DHX8: variants seen among roughly 807,000 people sequenced by gnomAD.
The protein encoded by DHX8 is DEAH-box helicase 8.
DHX8 carries 67 observed loss-of-function variants against 140.7 expected under a neutral mutation model. The observed-to-expected ratio is 0.48, with a 90% CI of 0.39 to 0.58. The LOEUF is 0.58. Among genes scored for constraint, DHX8 ranks in the 20% least tolerant of loss-of-function variants. The pLI is 0.00. For synonymous variants in DHX8, 533 were observed against 553.2 expected (o/e 0.96, Z 0.51); for missense variants, 887 against 1,550.7 (o/e 0.57, Z 7.19).
rs887505846 is a variant in DHX8 at position 43,493,728 on chromosome 17, C to T, written c.1054C>T (p.Arg352Ter). 11 of 1,614,042 alleles carry T rather than the reference C, an allele frequency of 6.8e-6. No individual in the cohort carries two copies. Among genetic ancestry groups the T allele is most frequent in the African/African-American group, 4.0e-5 (3 of 74,914 alleles). Reference sequence around the variant, plus strand: ...AGAAGATCTAAACCCAAATAGACGGCGAAATCTTGTCGGGGAGACCAATGA... The same window carrying T: ...AGAAGATCTAAACCCAAATAGACGGTGAAATCTTGTCGGGGAGACCAATGA... ...TGEDLNPNRRRNLVGETNEET... is the reference protein window; with the variant it reads ...TGEDLNPNRR The change falls in exon 8 of 23, where the codon CGA (arginine) becomes TGA (stop). Residue 352 changes from arginine to a stop codon, truncating the protein, a stop_gained. Coordinates refer to ENST00000262415, the MANE Select transcript of DHX8 (RefSeq NM_004941.3). LOFTEE classifies it high-confidence loss of function.
chr17:43,496,762 A>G (rs1289758778), intron 9 of DHX8, among the ~76,000 whole-genome samples: 2 of 150,966 alleles, frequency 1.3e-5, no homozygotes, highest in Non-Finnish European at 3.0e-5. Context: ...CCTGAGTGAC[A>G]GAGTGAGACT....
Position 43,520,879 on chromosome 17 carries a change from G to A in DHX8, c.3066G>A (p.Lys1022=), listed in dbSNP as rs1970339801. ...LSVQNVFYRP[K]DKQALADQKK... ...TGCAGAACGTCTTCTATAGGCCCAAGGTAGGAAGTTCAGATCCAAGTTTAG... is the reference window on the plus strand; with the variant it reads ...TGCAGAACGTCTTCTATAGGCCCAAAGTAGGAAGTTCAGATCCAAGTTTAG... Residue 1022 remains lysine (K), a splice_region_variant and synonymous_variant, in exon 20 of 23, where the codon AAG becomes AAA. Transcript: ENST00000262415. The A allele has an allele frequency of 6.2e-7, 1 of 1,607,192 alleles. No homozygotes were observed. Among genetic ancestry groups the A allele is most frequent in the Non-Finnish European group, 8.5e-7 (1 of 1,177,212 alleles).
intron 12 of DHX8, among the ~76,000 whole-genome samples, 185 bp downstream of exon 12, chr17:43,505,010 T>C (rs1335677085): frequency 6.6e-6 from 1 of 152,140 alleles, no homozygotes; most frequent in Admixed American, 6.5e-5. Context: ...GGCGCGGTAG[T>C]GGATGCCTAT....
chr17:43,487,114 G>A (rs537996477), intron 1 of DHX8, among the ~76,000 whole-genome samples: 2 of 152,226 alleles, frequency 1.3e-5, no homozygotes, highest in Admixed American at 1.3e-4. Context: ...TGTAAAACAT[G>A]ACAATAATAG....
chr17:43,533,407 C>A (rs1321877117), intron 2 of DHX8: 1 of 1,508,820 alleles, frequency 6.6e-7, no homozygotes, highest in Non-Finnish European at 9.1e-7. Context: ...CATCTTTGAA[C>A]CCTTCATTCC....
chr17:43,537,006 G>A (rs1971277099), intron 3 of DHX8, among the ~76,000 whole-genome samples: 1 of 152,160 alleles, frequency 6.6e-6, no homozygotes. Flanking sequence ...CTCCCTTAAA[G>A]CTCACAACAG....
downstream of DHX8, chr17:43,526,923 C>T (rs1378803267): frequency 3.9e-6 from 1 of 256,738 alleles, no homozygotes; most frequent in Non-Finnish European, 7.6e-6. Flanking sequence ...AAGGGATGGT[C>T]TCAGGTTGGT....
intron 2 of DHX8, among the ~76,000 whole-genome samples, 170 bp from the exon 3 acceptor site, chr17:43,490,221 A>G (rs561901729): frequency 2.0e-5 from 3 of 152,274 alleles, no homozygotes; most frequent in South Asian, 4.1e-4. Flanking sequence ...CTCTGAAGCT[A>G]TTATACTAGG....
chr17:43,523,511 A>T, intron 22 of DHX8, 117 bp from the exon 23 acceptor site: 3 of 1,490,312 alleles, frequency 2.0e-6, no homozygotes, highest in Non-Finnish European at 2.7e-6. Context: ...TATAGGTGTC[A>T]GGCAGGAGAG....
intron 6 of DHX8, 24 bp downstream of exon 6, chr17:43,493,064 C>A: frequency 6.2e-7 from 1 of 1,600,478 alleles, no homozygotes; most frequent in South Asian, 1.1e-5. Flanking sequence ...CTCTTTTGTT[C>A]ACACCAGTGA....
intron 17 of DHX8, among the ~76,000 whole-genome samples, chr17:43,513,709 CTT>C (rs34829204): frequency 9.4e-6 from 1 of 105,960 alleles, no homozygotes; most frequent in Non-Finnish European, 1.9e-5. Context: ...AGTTTTTAAT[CTT>C]TTTTTTTTTT....
chr17:43,536,192 A>G (rs944936816), intron 2 of DHX8: 19 of 551,866 alleles, frequency 3.4e-5, no homozygotes, highest in Non-Finnish European at 5.5e-5. Context: ...CACTTCAGAT[A>G]TAAGGCAATG....
intron 8 of DHX8, among the ~76,000 whole-genome samples, chr17:43,494,574 A>G (rs1484190529): frequency 6.6e-6 from 1 of 151,656 alleles, no homozygotes. Context: ...ACAAAAAATT[A>G]GCCGGGCGTC....
In DHX8 at chr17:43,504,844, T is replaced by A; in HGVS notation, c.1728+19T>A. ...GGTCCAGGTGAGAAGACTTTTATGA[T>A]GTATTGGTGGGGAGTAGGGTTATTG... On this transcript the variant is annotated intron_variant, in intron 12 of 22. Coordinates refer to ENST00000262415, the MANE Select transcript of DHX8 (RefSeq NM_004941.3). 1.9e-6 allele frequency: 3 copies of A among 1,606,414 alleles called. No homozygotes were observed. The highest frequency in any genetic ancestry group is 2.6e-6 in the Non-Finnish European group (3 of 1,176,094).
chr17:43,520,471 C>T (rs533143259), intron 19 of DHX8, among the ~76,000 whole-genome samples: 1 of 152,296 alleles, frequency 6.6e-6, no homozygotes, highest in East Asian at 1.9e-4. Flanking sequence ...ATAATTTTGC[C>T]TGAGGATGTA....
chr17:43,531,721 A>G (rs966263690), downstream of DHX8, among the ~76,000 whole-genome samples: 3 of 152,108 alleles, frequency 2.0e-5, no homozygotes, highest in African/African-American at 7.2e-5. Flanking sequence ...AAACAAAACA[A>G]AACAAGAAAA....
At chr17:43,527,555 G>A (rs1598186819), downstream of DHX8, among the ~76,000 whole-genome samples, 1 of 152,252 alleles carries the variant, frequency 6.6e-6, no homozygotes, top group East Asian at 1.9e-4. Context: ...GGAGACTGCT[G>A]CTGGAAGCAG....
chr17:43,489,148 G>T (rs1284086390), intron 1 of DHX8, among the ~76,000 whole-genome samples: 2 of 152,082 alleles, frequency 1.3e-5, no homozygotes, highest in African/African-American at 4.8e-5. Flanking sequence ...GGGATTACAG[G>T]TGCCTGCCAC....
chr17:43,509,412 T>G (rs1476771839), intron 16 of DHX8, among the ~76,000 whole-genome samples: 2 of 152,094 alleles, frequency 1.3e-5, no homozygotes, highest in East Asian at 3.9e-4. Flanking sequence ...TGGATGTAGG[T>G]ATTTTTTTAG....
Sources: allele counts gnomAD v4.1 joint callset (sites outside exome capture counted in the v4.1 genomes callset), GRCh38; gene constraint gnomAD v4.1.1; transcripts MANE v1.5; gene names NCBI Gene and HGNC (gene_info 2026-07-23, HGNC 2026-07-21).